Variants in MGST2 observed in about 807,000 individuals in gnomAD.
MGST2 encodes the protein microsomal glutathione S-transferase 2, also known as glutathione peroxidase MGST2.
A neutral mutation model predicts 16.6 loss-of-function variants in MGST2; 9 were observed. The ratio of observed to expected loss-of-function variants is 0.54; its 90% CI spans 0.33 to 0.95. The LOEUF is 0.95. Among genes scored for constraint, MGST2 ranks in the 40% least tolerant of loss-of-function variants. MGST2 has a pLI of 0.03. For missense variants in MGST2, 159 were observed against 175.1 expected (o/e 0.91, Z 0.52); for synonymous variants, 79 against 68.0 (o/e 1.16, Z -0.79).
At chr4:139,700,945 CTCTT>C (rs548686049) in intron 3 of MGST2, among the ~76,000 whole-genome samples, 11 of 152,238 alleles carry the variant, frequency 7.2e-5, no homozygotes, top group African/African-American at 2.4e-4. Flanking sequence ...CCCCATCACT[CTCTT>C]TCTTTTAGTT....
intron 5 of MGST2, chr4:139,719,039 G>T: frequency 2.5e-6 from 1 of 392,912 alleles, no homozygotes. Context: ...TGGGCAGAGG[G>T]GCTCTGGCCG....
chr4:139,698,318 A>G (rs549717107), intron 3 of MGST2: 4 of 1,511,106 alleles, frequency 2.6e-6, no homozygotes, highest in South Asian at 2.3e-5. Flanking sequence ...GATCTGTTTT[A>G]AAGTCCTGAG....
the MGST2 span, among the ~76,000 whole-genome samples, chr4:139,752,686 C>T: frequency 3.9e-5 from 6 of 151,908 alleles, no homozygotes; most frequent in Non-Finnish European, 8.8e-5. Context: ...ATATTTCTCC[C>T]GAGAGAGCAT....
intron 5 of MGST2, among the ~76,000 whole-genome samples, chr4:139,731,610 C>T (rs1223793322): frequency 6.6e-6 from 1 of 151,656 alleles, no homozygotes; most frequent in East Asian, 1.9e-4. Context: ...GAGTGAGACT[C>T]TTTCTCAAAA....
intron 5 of MGST2, among the ~76,000 whole-genome samples, chr4:139,716,351 C>T (rs993542874): frequency 6.6e-6 from 1 of 152,094 alleles, no homozygotes; most frequent in African/African-American, 2.4e-5. Flanking sequence ...GGAACAAGAA[C>T]CTTTATTACT....
intron 1 of MGST2, among the ~76,000 whole-genome samples, chr4:139,677,899 A>G (rs8192060): frequency 0.044 from 6,683 of 152,294 alleles, 218 homozygotes; most frequent in Middle Eastern, 0.13. Context: ...CCTTGTGGGC[A>G]AATTGTGCTT....
At chr4:139,748,462 C>T in the MGST2 span, among the ~76,000 whole-genome samples, 4,373 of 152,240 alleles carry the variant, frequency 0.029, 153 homozygotes, top group East Asian at 0.15. Flanking sequence ...TGGTCCTGAA[C>T]ATCAAAACGT....
intron 2 of MGST2, among the ~76,000 whole-genome samples, chr4:139,694,514 C>T (rs1435529876): frequency 6.6e-6 from 1 of 152,076 alleles, no homozygotes; most frequent in Non-Finnish European, 1.5e-5. Context: ...TCATCTTTTT[C>T]CCCTTTGTTA....
chr4:139,706,173 A>G (rs943812960), downstream of MGST2, among the ~76,000 whole-genome samples: 1 of 152,226 alleles, frequency 6.6e-6, no homozygotes, highest in African/African-American at 2.4e-5. Context: ...ACAGTATTAA[A>G]TACCCCAAAG....
At chr4:139,677,996 T>C (rs1731050953) in intron 1 of MGST2, among the ~76,000 whole-genome samples, 1 of 152,224 alleles carries the variant, frequency 6.6e-6, no homozygotes, top group African/African-American at 2.4e-5. Context: ...CTTAGTGATT[T>C]TGGGGTCCTG....
At chr4:139,736,357 G>A (rs973259153) in intron 5 of MGST2, among the ~76,000 whole-genome samples, 2 of 152,178 alleles carry the variant, frequency 1.3e-5, no homozygotes. Context: ...CATGACAATT[G>A]CTTGGCCAAA....
At chr4:139,685,736 T>C (rs2110846705) in intron 2 of MGST2, among the ~76,000 whole-genome samples, 1 of 152,372 alleles carries the variant, frequency 6.6e-6, no homozygotes, top group Middle Eastern at 3.4e-3. Flanking sequence ...CAATCTTGGC[T>C]CACTGCAACC....
chr4:139,693,100 GT>G, intron 2 of MGST2, among the ~76,000 whole-genome samples: 1 of 152,302 alleles, frequency 6.6e-6, no homozygotes, highest in African/African-American at 2.4e-5. Context: ...ATTGTGTTAT[GT>G]TTCCAAAAAA....
intron 3 of MGST2, among the ~76,000 whole-genome samples, chr4:139,700,790 G>A (rs921721347): frequency 1.3e-5 from 2 of 152,162 alleles, no homozygotes; most frequent in Non-Finnish European, 1.5e-5. Flanking sequence ...TGGCTTATGC[G>A]TTTAACAGTG....
At chr4:139,727,984 G>A (rs1300523170) in intron 5 of MGST2, among the ~76,000 whole-genome samples, 4 of 152,208 alleles carry the variant, frequency 2.6e-5, no homozygotes, top group Non-Finnish European at 4.4e-5. Context: ...GGGAGGCCGA[G>A]GCAGGCAGAT....
intron 3 of MGST2, among the ~76,000 whole-genome samples, chr4:139,697,130 C>A (rs1386381443): frequency 6.6e-6 from 1 of 151,954 alleles, no homozygotes; most frequent in Non-Finnish European, 1.5e-5. Flanking sequence ...AAATGACTGG[C>A]AGGTGCTGTT....
At chr4:139,694,243 C>T (rs916897258) in intron 2 of MGST2, among the ~76,000 whole-genome samples, 2 of 151,206 alleles carry the variant, frequency 1.3e-5, no homozygotes, top group Non-Finnish European at 2.9e-5. Context: ...GGCTAAAAGA[C>T]CTAGGTCTTC....
intron 1 of MGST2, among the ~76,000 whole-genome samples, chr4:139,667,953 A>G (rs1730460004): frequency 6.6e-6 from 1 of 152,226 alleles, no homozygotes; most frequent in African/African-American, 2.4e-5. Flanking sequence ...GGCCGGTGAC[A>G]CAGCCCAAGG....
At chr4:139,686,505 A>G (rs989785586) in intron 2 of MGST2, among the ~76,000 whole-genome samples, 1 of 152,210 alleles carries the variant, frequency 6.6e-6, no homozygotes, top group Non-Finnish European at 1.5e-5. Context: ...AAGTCCATTC[A>G]GATGGTTGGG....
Sources: gnomAD v4.1 joint callset for allele counts (sites outside exome capture counted in the v4.1 genomes callset) on GRCh38, gnomAD v4.1.1 for gene constraint, MANE v1.5 for transcripts, NCBI Gene and HGNC (gene_info 2026-07-23, HGNC 2026-07-21) for gene names.